FOXP1: variants seen among roughly 807,000 people sequenced by gnomAD.
FOXP1 encodes forkhead box protein P1.
Under a neutral mutation model 98.2 loss-of-function variants are expected in FOXP1, and 15 were observed. That is an observed-to-expected ratio of 0.15 (90% CI 0.10 to 0.24). FOXP1 has a LOEUF of 0.24. Ranked by LOEUF, FOXP1 falls within the 10% of genes least tolerant of loss-of-function variation. The probability of loss-of-function intolerance (pLI) is 1.00; values close to 1 mark genes in which losing one functional copy is unlikely to be tolerated. For missense variants in FOXP1, 633 were observed against 848.5 expected, an observed-to-expected ratio of 0.75 and a Z score of 3.15; for synonymous variants, 371 against 314.5, an observed-to-expected ratio of 1.18 and a Z score of -1.90.
chr3:71,142,876 A>G (rs7629274), intron 6 of FOXP1, among the ~76,000 whole-genome samples: 24,984 of 152,130 alleles, frequency 0.16, 6,128 homozygotes, highest in African/African-American at 0.53. Flanking sequence ...CACTGCTTGC[A>G]TCTAAAGTTT....
At chr3:71,011,274 A>T (rs2043570752) in intron 12 of FOXP1, among the ~76,000 whole-genome samples, 1 of 152,086 alleles carries the variant, frequency 6.6e-6, no homozygotes. Context: ...TGGGGTGAAC[A>T]TCTCCCTCTG....
chr3:71,287,648 C>T (rs1011158777), intron 5 of FOXP1, among the ~76,000 whole-genome samples: 2 of 151,480 alleles, frequency 1.3e-5, no homozygotes, highest in Non-Finnish European at 1.5e-5. Context: ...GGCTTGGTGG[C>T]GGGAATCTGT....
At chr3:71,537,892 T>G (rs1310036718) in intron 2 of FOXP1, among the ~76,000 whole-genome samples, 1 of 152,222 alleles carries the variant, frequency 6.6e-6, no homozygotes, top group Admixed American at 6.5e-5. Context: ...TGGTGACACA[T>G]GAACACGATG....
intron 7 of FOXP1, among the ~76,000 whole-genome samples, chr3:71,100,815 A>G (rs889803690): frequency 2.6e-5 from 4 of 152,192 alleles, no homozygotes; most frequent in African/African-American, 9.6e-5. Flanking sequence ...CCCAGTCAGA[A>G]GGCTATAAAC....
At chr3:71,461,662 G>A (rs1352391989) in intron 3 of FOXP1, among the ~76,000 whole-genome samples, 3 of 151,994 alleles carry the variant, frequency 2.0e-5, no homozygotes, top group African/African-American at 4.8e-5. Context: ...TTAGCAGGGC[G>A]TGGTGACAGG....
intron 12 of FOXP1, among the ~76,000 whole-genome samples, chr3:71,010,391 C>T (rs890525649): frequency 1.3e-5 from 2 of 152,212 alleles, no homozygotes; most frequent in African/African-American, 4.8e-5. Flanking sequence ...GCATTAGTTT[C>T]CTTAACTCTA....
chr3:71,247,462 C>T (rs906766029), intron 5 of FOXP1, among the ~76,000 whole-genome samples: 4 of 152,142 alleles, frequency 2.6e-5, no homozygotes, highest in Non-Finnish European at 4.4e-5. Context: ...CCATTTATTC[C>T]AACCTCTGGG....
At chr3:71,053,850 C>T in intron 7 of FOXP1, 77 bp from the exon 8 acceptor site, 1 of 1,537,998 alleles carries the variant, frequency 6.5e-7, no homozygotes, top group Admixed American at 1.7e-5. Context: ...CAGCTGACTG[C>T]CATCAGCCTG....
intron 7 of FOXP1, among the ~76,000 whole-genome samples, chr3:71,103,395 T>C (rs779586735): frequency 6.6e-6 from 1 of 151,584 alleles, no homozygotes; most frequent in Non-Finnish European, 1.5e-5. Flanking sequence ...GATATTGCCT[T>C]GTGATTTTAG....
intron 6 of FOXP1, among the ~76,000 whole-genome samples, chr3:71,127,704 T>C (rs541098809): frequency 2.0e-5 from 3 of 152,272 alleles, no homozygotes; most frequent in South Asian, 2.1e-4. Context: ...CACCCGGAAA[T>C]TGTAAATGAT....
chr3:71,335,633 T>C (rs1338839920), intron 4 of FOXP1, among the ~76,000 whole-genome samples: 1 of 152,174 alleles, frequency 6.6e-6, no homozygotes, highest in East Asian at 1.9e-4. Flanking sequence ...AGCGCTAAGA[T>C]AATTGTCTTG....
chr3:71,504,389 C>G (rs900746479), intron 2 of FOXP1, among the ~76,000 whole-genome samples: 1 of 152,182 alleles, frequency 6.6e-6, no homozygotes, highest in Non-Finnish European at 1.5e-5. Context: ...ACAGGTGACT[C>G]AGCGGGAAAT....
intron 7 of FOXP1, among the ~76,000 whole-genome samples, chr3:71,107,874 T>TA (rs1375688018): frequency 7.9e-5 from 12 of 152,148 alleles, no homozygotes; most frequent in African/African-American, 2.7e-4. Context: ...ATAAAAATGC[T>TA]AAAAAAACAC....
At chr3:71,382,336 C>G (rs989247133) in intron 3 of FOXP1, among the ~76,000 whole-genome samples, 1 of 152,092 alleles carries the variant, frequency 6.6e-6, no homozygotes, top group African/African-American at 2.4e-5. Context: ...AAGGCTGTGT[C>G]CCCAGCATCT....
At chr3:71,103,819 G>A (rs973049754) in intron 7 of FOXP1, among the ~76,000 whole-genome samples, 2 of 152,110 alleles carry the variant, frequency 1.3e-5, no homozygotes, top group African/African-American at 4.8e-5. Flanking sequence ...CAAAATAAAG[G>A]AGTTTGCTTT....
intron 11 of FOXP1, among the ~76,000 whole-genome samples, chr3:71,034,090 C>T (rs975257759): frequency 2.0e-5 from 3 of 152,134 alleles, no homozygotes; most frequent in Non-Finnish European, 2.9e-5. Flanking sequence ...TCTATATTCT[C>T]CACTGTGCGT....
chr3:71,036,193 G>C (rs1361606071), intron 11 of FOXP1, among the ~76,000 whole-genome samples: 2 of 152,170 alleles, frequency 1.3e-5, no homozygotes, highest in Non-Finnish European at 2.9e-5. Flanking sequence ...GTTATTTGAA[G>C]GCAACTGCCA....
At chr3:71,323,477 T>A (rs2075513634) in intron 4 of FOXP1, among the ~76,000 whole-genome samples, 5 of 151,810 alleles carry the variant, frequency 3.3e-5, no homozygotes. Context: ...ATATGAGCAA[T>A]AAGAGAAGAA....
At chr3:70,995,835 A>G (rs1236011023) in intron 13 of FOXP1, among the ~76,000 whole-genome samples, 2 of 152,206 alleles carry the variant, frequency 1.3e-5, no homozygotes, top group Non-Finnish European at 2.9e-5. Flanking sequence ...AACAAGCTCT[A>G]CATAAACATT....
Sources: allele counts gnomAD v4.1 joint callset (sites outside exome capture counted in the v4.1 genomes callset), GRCh38; gene constraint gnomAD v4.1.1; transcripts MANE v1.5; gene names NCBI Gene and HGNC (gene_info 2026-07-23, HGNC 2026-07-21).